Variants in TXLNG observed in about 807,000 individuals in gnomAD.
The protein encoded by TXLNG is taxilin gamma.
A neutral mutation model predicts 38.8 loss-of-function variants in TXLNG; 5 were observed. The ratio of observed to expected loss-of-function variants is 0.13; its 90% CI spans 0.07 to 0.27. The LOEUF (loss-of-function observed/expected upper bound fraction) is 0.27, where lower values mean the gene tolerates loss of function less well. Ranked by LOEUF, TXLNG falls within the 10% of genes least tolerant of loss-of-function variation. The probability of loss-of-function intolerance (pLI) is 1.00; values close to 1 mark genes in which losing one functional copy is unlikely to be tolerated. For synonymous variants in TXLNG, 182 were observed against 158.2 expected, an observed-to-expected ratio of 1.15 and a Z score of -1.13; for missense variants, 393 against 398.2, an observed-to-expected ratio of 0.99 and a Z score of 0.11.
chrX:16,808,769 C>T (rs1177609804), intron 1 of TXLNG, among the ~76,000 whole-genome samples: 1 of 111,536 alleles, frequency 9.0e-6, no homozygotes, highest in Non-Finnish European at 1.9e-5. Context: ...GCAGTTTATT[C>T]ATCCGGTCTA....
At chrX:16,814,242 G>A (rs977299781) in intron 1 of TXLNG, among the ~76,000 whole-genome samples, 3 of 111,712 alleles carry the variant, frequency 2.7e-5, no homozygotes. Flanking sequence ...TCTGTATAAG[G>A]GATATTATTC....
intron 9 of TXLNG, chrX:16,840,397 C>G (rs1929751435): frequency 5.4e-6 from 4 of 744,914 alleles, no homozygotes; most frequent in Non-Finnish European, 4.8e-6. Context: ...ATTAGGCTTT[C>G]AAAAAAAGCA....
intron 1 of TXLNG, among the ~76,000 whole-genome samples, chrX:16,799,664 G>A (rs1192091331): frequency 1.8e-5 from 2 of 109,990 alleles, no homozygotes; most frequent in Admixed American, 9.7e-5. Flanking sequence ...CCAGCTACTC[G>A]GGAGGCTGAG....
chrX:16,799,124 G>A (rs897927828), intron 1 of TXLNG, among the ~76,000 whole-genome samples: 5 of 109,820 alleles, frequency 4.6e-5, no homozygotes, highest in Admixed American at 2.0e-4. Context: ...GGTGATCCGC[G>A]CACCTCGGCT....
chrX:16,837,961 T>G (rs1469615457), intron 8 of TXLNG, among the ~76,000 whole-genome samples: 1 of 111,859 alleles, frequency 8.9e-6, no homozygotes, highest in Non-Finnish European at 1.9e-5. Context: ...TGTGTTGCTG[T>G]TTTTTGTTTG....
intron 8 of TXLNG, among the ~76,000 whole-genome samples, chrX:16,838,068 C>T (rs1304999526): frequency 9.0e-6 from 1 of 111,522 alleles, no homozygotes; most frequent in Non-Finnish European, 1.9e-5. Context: ...GAATAATAAT[C>T]ATATATTTTG....
At chrX:16,811,691 C>T (rs1928524780) in intron 1 of TXLNG, among the ~76,000 whole-genome samples, 1 of 105,566 alleles carries the variant, frequency 9.5e-6, no homozygotes, top group Non-Finnish European at 1.9e-5. Flanking sequence ...GGCTGGAGTG[C>T]AGTGACCCGA....
At chrX:16,792,370 C>A (rs1927732129) in intron 1 of TXLNG, among the ~76,000 whole-genome samples, 2 of 111,704 alleles carry the variant, frequency 1.8e-5, no homozygotes, top group Admixed American at 1.9e-4. Flanking sequence ...AACTTAATAC[C>A]TCAAGAAATC....
intron 1 of TXLNG, among the ~76,000 whole-genome samples, chrX:16,787,244 C>T (rs1569258531): frequency 8.9e-6 from 1 of 111,788 alleles, no homozygotes; most frequent in Non-Finnish European, 1.9e-5. Flanking sequence ...GACCCCGGGG[C>T]TCCGAGGGCT....
intron 7 of TXLNG, among the ~76,000 whole-genome samples, chrX:16,834,674 T>C (rs1929527459): frequency 9.0e-6 from 1 of 111,629 alleles, no homozygotes; most frequent in African/African-American, 3.3e-5. Context: ...GCCCAGATAA[T>C]TCCTCCCTTT....
At position 16,832,495 on chromosome X, in the gene TXLNG, G is replaced by T. The variant is rs867602251; in HGVS notation, c.865-128G>T. On this transcript the variant is annotated intron_variant, in intron 5 of 9. Transcript: ENST00000380122. ...GTATACAGGGACAGAGAGAGAGCTGGTGTTCTTAGCTGCAGTGGTAGTAGC... is the reference window on the plus strand; with the variant it reads ...GTATACAGGGACAGAGAGAGAGCTGTTGTTCTTAGCTGCAGTGGTAGTAGC... 8 of 878,745 alleles carry T rather than the reference G, an allele frequency of 9.1e-6. No individual in the cohort carries two copies. The Middle Eastern group carries it at 2.4e-3, about 266-fold the overall frequency. The allele number at this position is 878,745 out of a possible 1,213,427, so 72.4% of individuals were successfully genotyped here.
At chrX:16,812,911 G>C (rs1447859063) in intron 1 of TXLNG, among the ~76,000 whole-genome samples, 5 of 108,010 alleles carry the variant, frequency 4.6e-5, no homozygotes, top group Non-Finnish European at 9.6e-5. Context: ...ATGTTGATCA[G>C]GCTAGTCTCG....
intron 3 of TXLNG, among the ~76,000 whole-genome samples, chrX:16,825,605 G>A (rs887889312): frequency 1.8e-5 from 2 of 111,761 alleles, no homozygotes; most frequent in Non-Finnish European, 3.8e-5. Context: ...GTGCAGTGGC[G>A]CAATCATGGC....
chrX:16,839,843 T>C lies in TXLNG; in HGVS notation c.1175T>C (p.Leu392Pro), dbSNP rs1231059255. The C allele has an allele frequency of 8.4e-7, 1 of 1,197,319 alleles. No individual in the cohort carries two copies. The highest frequency in any genetic ancestry group is 2.2e-5 in the Admixed American group (1 of 44,470). Residue 392 changes from leucine to proline, a missense_variant, in exon 9 of 10, where the codon CTG (leucine) becomes CCG (proline). Coordinates refer to ENST00000380122, the MANE Select transcript of TXLNG (RefSeq NM_018360.3). Reference protein sequence around the residue: ...MEKMTKKIKKLEKETIIWRTK... With the variant: ...MEKMTKKIKKPEKETIIWRTK... ...CAGATGACAAAGAAAATTAAAAAAC[T>C]GGAAAAAGAAACAATAATTTGGCGT... is the stretch of plus-strand genomic sequence containing the variant.
At chrX:16,827,976 T>C (rs1929230876) in intron 3 of TXLNG, 118 bp from the exon 4 acceptor site, 1 of 588,635 alleles carries the variant, frequency 1.7e-6, no homozygotes, top group Non-Finnish European at 2.5e-6. Flanking sequence ...TTAAATAATA[T>C]ATTAAACCAT....
rs367901540 is a variant in TXLNG at position 16,812,930 on chromosome X, A to T, written c.103-5644A>T. ...TGATCAGGCTAGTCTCGAACTCCTG[A>T]CCTCAGGTGATCTGCCCACCTCAAC... On this transcript the variant is annotated intron_variant, in intron 1 of 9. Coordinates refer to ENST00000380122, the MANE Select transcript of TXLNG (RefSeq NM_018360.3). Among the ~76,000 whole-genome samples, 26 of 108,072 alleles carry T rather than the reference A, an allele frequency of 2.4e-4. No individual in the cohort carries two copies. The East Asian group carries it at 6.4e-3, about 27-fold the overall frequency. The allele number at this position is 108,072 out of a possible 115,157, so 93.8% of individuals were successfully genotyped here. A position where few individuals can be genotyped will look rare whatever the true frequency, so the allele number is the denominator to read the frequency against.
At chrX:16,823,458 CAAAAAAAAA>C (rs11311011) in intron 3 of TXLNG, among the ~76,000 whole-genome samples, 3 of 24,958 alleles carry the variant, frequency 1.2e-4, no homozygotes, top group African/African-American at 1.6e-4. Context: ...AACTCTGTCT[CAAAAAAAAA>C]AAAAAAAAAA....
intron 3 of TXLNG, among the ~76,000 whole-genome samples, chrX:16,824,798 C>T (rs1056215426): frequency 1.8e-5 from 2 of 109,093 alleles, no homozygotes; most frequent in East Asian, 2.8e-4. Flanking sequence ...GGTGTTTGCG[C>T]GCCTGTAGTT....
At chrX:16,812,824 C>T (rs967614373) in intron 1 of TXLNG, among the ~76,000 whole-genome samples, 1 of 106,641 alleles carries the variant, frequency 9.4e-6, no homozygotes, top group Admixed American at 1.0e-4. Flanking sequence ...GCCTCAGCCT[C>T]CCTAGTAGCT....
Sources: allele counts gnomAD v4.1 joint callset (sites outside exome capture counted in the v4.1 genomes callset), GRCh38; gene constraint gnomAD v4.1.1; transcripts MANE v1.5; gene names NCBI Gene and HGNC (gene_info 2026-07-23, HGNC 2026-07-21).